The following WWOX variants were observed in gnomAD, a reference collection of about 807,000 sequenced individuals.
The protein encoded by WWOX is WW domain-containing oxidoreductase.
In WWOX, 69 loss-of-function variants were observed where a neutral mutation model predicts 46.2. That is an observed-to-expected ratio of 1.49 (90% CI 1.23 to 1.82). The LOEUF (loss-of-function observed/expected upper bound fraction) is 1.82, where lower values mean the gene tolerates loss of function less well. Among genes scored for constraint, WWOX ranks in the 40% most tolerant of loss-of-function variants. The pLI is 0.00. For missense variants in WWOX, 919 were observed against 542.6 expected, an observed-to-expected ratio of 1.69 and a Z score of -6.89; for synonymous variants, 359 against 202.6, an observed-to-expected ratio of 1.77 and a Z score of -6.56.
At chr16:78,837,276 G>C (rs996575976) in intron 8 of WWOX, among the ~76,000 whole-genome samples, 1 of 152,232 alleles carries the variant, frequency 6.6e-6, no homozygotes, top group South Asian at 2.1e-4. Flanking sequence ...ACCTTTCAAC[G>C]CGAGTTTCAT....
intron 5 of WWOX, among the ~76,000 whole-genome samples, chr16:78,275,596 T>A (rs1191568278): frequency 1.3e-5 from 2 of 152,070 alleles, no homozygotes; most frequent in Admixed American, 6.5e-5. Flanking sequence ...ACAAAAGTAG[T>A]GAGTTGAAAA....
In WWOX at chr16:79,105,222, A is replaced by C. The variant is rs138214030; in HGVS notation, c.1057-106386A>C. Among the ~76,000 whole-genome samples the C allele has an allele frequency of 3.9e-5, 6 of 152,314 alleles. No homozygotes were observed. The East Asian group carries it at 1.2e-3, about 29-fold the overall frequency. ...TGACAAAAGGGTCCTCAGTAACAGC[A>C]GTCTGCTATTGTTTTGAATCATTCA... On this transcript the variant is annotated intron_variant, in intron 8 of 8. Coordinates refer to ENST00000566780, the MANE Select transcript of WWOX (RefSeq NM_016373.4).
intron 8 of WWOX, among the ~76,000 whole-genome samples, chr16:78,970,499 G>A (rs970138838): frequency 1.3e-5 from 2 of 152,196 alleles, no homozygotes; most frequent in Admixed American, 6.5e-5. Flanking sequence ...AACCAGGGGA[G>A]ACTCGACCCA....
At position 78,851,298 on chromosome 16, in the gene WWOX, A is replaced by T. The variant is rs988675244; in HGVS notation, c.1057-360310A>T. On this transcript the variant is annotated intron_variant, in intron 8 of 8. Coordinates refer to ENST00000566780, the MANE Select transcript of WWOX (RefSeq NM_016373.4). ...ATAATTTTCAACAGGAGCTATAATTATCACATAGTTTGAAATGCTCTTGTT... is the reference window on the plus strand; with the variant it reads ...ATAATTTTCAACAGGAGCTATAATTTTCACATAGTTTGAAATGCTCTTGTT... 6.6e-5 allele frequency among the ~76,000 whole-genome samples: 10 copies of T among 152,330 alleles called. No individual in the cohort carries two copies. In the East Asian group the frequency reaches 1.4e-3, roughly 21 times the overall value.
intron 8 of WWOX, among the ~76,000 whole-genome samples, chr16:78,884,826 C>G (rs1354344655): frequency 6.6e-6 from 1 of 152,130 alleles, no homozygotes; most frequent in Non-Finnish European, 1.5e-5. Context: ...ACAAAAAGTT[C>G]ATGGACAAAT....
At position 78,557,504 on chromosome 16, in the gene WWOX, G is replaced by A. The variant is rs76115020; in HGVS notation, c.1056+124752G>A. Among the ~76,000 whole-genome samples, 661 of 152,158 alleles carry A rather than the reference G, an allele frequency of 4.3e-3. 7 individuals carry two copies. The highest frequency in any genetic ancestry group is 0.015 in the African/African-American group (604 of 41,504). On this transcript the variant is annotated intron_variant, in intron 8 of 8. Coordinates refer to ENST00000566780, the MANE Select transcript of WWOX (RefSeq NM_016373.4). ...TTCTCTTCATTTCTGGAATGCCGGA[G>A]CACTGGGCCCATGGAGCCCGTTTCA...
intron 8 of WWOX, among the ~76,000 whole-genome samples, chr16:78,935,422 C>T (rs555131166): frequency 6.6e-6 from 1 of 151,960 alleles, no homozygotes; most frequent in Non-Finnish European, 1.5e-5. Context: ...TACTACACAG[C>T]CATAAAAAAA....
At chr16:78,482,839 C>T (rs1272155063) in intron 8 of WWOX, among the ~76,000 whole-genome samples, 1 of 152,178 alleles carries the variant, frequency 6.6e-6, no homozygotes, top group Non-Finnish European at 1.5e-5. Flanking sequence ...CACTCATCTG[C>T]CTTCCTGTGT....
At chr16:78,598,115 T>G (rs16948183) in intron 8 of WWOX, among the ~76,000 whole-genome samples, 6 of 152,170 alleles carry the variant, frequency 3.9e-5, no homozygotes, top group Admixed American at 6.5e-5. Flanking sequence ...GACCAATGTT[T>G]AGGGAATCAT....
At chr16:78,963,694 A>G (rs1483083508) in intron 8 of WWOX, among the ~76,000 whole-genome samples, 1 of 152,224 alleles carries the variant, frequency 6.6e-6, no homozygotes, top group East Asian at 1.9e-4. Context: ...TCTGCCAGAC[A>G]TTGCACTATG....
intron 3 of WWOX, 74 bp from the exon 4 acceptor site, chr16:78,114,902 A>G: frequency 6.3e-7 from 1 of 1,598,358 alleles, no homozygotes; most frequent in South Asian, 1.1e-5. Flanking sequence ...GGTTTTCCTA[A>G]AGTATAAGAT....
At chr16:78,117,004 A>G (rs368949885) in intron 4 of WWOX, among the ~76,000 whole-genome samples, 3 of 152,236 alleles carry the variant, frequency 2.0e-5, no homozygotes, top group South Asian at 2.1e-4. Context: ...GAGTTGGTTC[A>G]GAATATTAAA....
chr16:78,159,322 A>G (rs1211673323), intron 4 of WWOX, among the ~76,000 whole-genome samples: 2 of 152,190 alleles, frequency 1.3e-5, no homozygotes, highest in African/African-American at 4.8e-5. Flanking sequence ...ATATGTATCC[A>G]GAAGTAGGAT....
intron 8 of WWOX, among the ~76,000 whole-genome samples, chr16:78,456,212 A>T (rs2083813066): frequency 6.6e-6 from 1 of 152,186 alleles, no homozygotes; most frequent in Admixed American, 6.5e-5. Context: ...TATAGCAGCA[A>T]CACAGTAAGT....
intron 1 of WWOX, among the ~76,000 whole-genome samples, chr16:78,105,786 G>A (rs2032101697): frequency 6.6e-6 from 1 of 152,070 alleles, no homozygotes; most frequent in Non-Finnish European, 1.5e-5. Flanking sequence ...CCACTGTTAA[G>A]GGTCATTTTG....
chr16:78,910,634 G>A (rs1297381923), intron 8 of WWOX, among the ~76,000 whole-genome samples: 2 of 151,948 alleles, frequency 1.3e-5, no homozygotes, highest in Non-Finnish European at 2.9e-5. Flanking sequence ...ACATGGCGGT[G>A]GAGGTGTCAC....
At chr16:78,456,001 T>C (rs538469152) in intron 8 of WWOX, among the ~76,000 whole-genome samples, 2 of 152,364 alleles carry the variant, frequency 1.3e-5, no homozygotes, top group African/African-American at 4.8e-5. Context: ...ATGTAGCTTA[T>C]CTATTTCTCA....
chr16:78,550,638 C>G (rs2044151347), intron 8 of WWOX: 1 of 152,114 alleles, frequency 6.6e-6, no homozygotes, highest in Non-Finnish European at 1.5e-5. Context: ...AAAGTGCTTG[C>G]TTTGGGAGTT....
At chr16:78,419,625 C>CGAA (rs1491558183) in intron 6 of WWOX, among the ~76,000 whole-genome samples, 2 of 44,692 alleles carry the variant, frequency 4.5e-5, no homozygotes, top group Non-Finnish European at 9.3e-5. Flanking sequence ...CAAAAAATAG[C>CGAA]AAAAAAAAAA....
Sources: gnomAD v4.1 joint callset for allele counts (sites outside exome capture counted in the v4.1 genomes callset) on GRCh38, gnomAD v4.1.1 for gene constraint, MANE v1.5 for transcripts, NCBI Gene and HGNC (gene_info 2026-07-23, HGNC 2026-07-21) for gene names.